Variants in BTC observed in about 807,000 individuals in gnomAD.
BTC encodes the protein probetacellulin.
In BTC, 13 loss-of-function variants were observed where a neutral mutation model predicts 18.1. That is an observed-to-expected ratio of 0.72 (90% CI 0.47 to 1.14). BTC has a LOEUF of 1.14. BTC is among the 50% of genes most tolerant of loss of function. The pLI is 0.00. For missense variants in BTC, 247 were observed against 224.2 expected, an observed-to-expected ratio of 1.10 and a Z score of -0.65; for synonymous variants, 83 against 79.4, an observed-to-expected ratio of 1.05 and a Z score of -0.24.
chr4:74,777,097 C>T (rs1006677944), intron 1 of BTC, among the ~76,000 whole-genome samples: 21 of 152,086 alleles, frequency 1.4e-4, no homozygotes, highest in African/African-American at 3.4e-4. Flanking sequence ...TGCAGAGTAA[C>T]GGAGAAAAGG....
At chr4:74,792,679 T>A (rs1230154606) in intron 1 of BTC, among the ~76,000 whole-genome samples, 3 of 152,258 alleles carry the variant, frequency 2.0e-5, no homozygotes, top group African/African-American at 7.2e-5. Context: ...CAGTAAAGCA[T>A]GCTCATTCGC....
chr4:74,757,627 C>A (rs1219212228), intron 2 of BTC, among the ~76,000 whole-genome samples: 3 of 152,026 alleles, frequency 2.0e-5, no homozygotes, highest in Non-Finnish European at 4.4e-5. Flanking sequence ...ATAAAGGATA[C>A]CTTATCTTAC....
intron 1 of BTC, among the ~76,000 whole-genome samples, chr4:74,780,145 A>G (rs754332320): frequency 6.6e-6 from 1 of 152,174 alleles, no homozygotes; most frequent in Non-Finnish European, 1.5e-5. Context: ...TTGTGTGACT[A>G]TGAAATAATT....
chr4:74,745,322 C>A lies in BTC; in HGVS notation c.*1355G>T, dbSNP rs1724261545. The A allele has an allele frequency of 6.6e-6, 1 of 152,294 alleles. No individual in the cohort carries two copies. Among genetic ancestry groups the A allele is most frequent in the East Asian group, 1.9e-4 (1 of 5,186 alleles). The allele number at this position is 152,294 out of a possible 1,614,324, so 9.4% of individuals were successfully genotyped here. Reference sequence around the variant, plus strand: ...GATGCTAGAAGGTAATATGCGATTTCAGCATTTGTCTGAATTCTCCACTTC... The same window carrying A: ...GATGCTAGAAGGTAATATGCGATTTAAGCATTTGTCTGAATTCTCCACTTC... On this transcript the variant is annotated 3_prime_UTR_variant, in exon 6 of 6. Coordinates refer to ENST00000395743, the MANE Select transcript of BTC (RefSeq NM_001729.4).
At chr4:74,786,398 A>C (rs971505233) in intron 1 of BTC, among the ~76,000 whole-genome samples, 2 of 152,146 alleles carry the variant, frequency 1.3e-5, no homozygotes, top group African/African-American at 2.4e-5. Context: ...GAGTTCAGAC[A>C]ATTGATTGTT....
chr4:74,748,169 AAGTTAGTATGGGCCTAGT>A lies in BTC; in HGVS notation c.429-38_429-21del, dbSNP rs1553955670. Reference sequence around the variant, plus strand: ...AGAGGGCTTGGAAAATACGTGTTAGAAGTTAGTATGGGCCTAGTAGTTCATGCGAACACAAAATTATCC... The same window carrying A: ...AGAGGGCTTGGAAAATACGTGTTAGAAGTTCATGCGAACACAAAATTATCC... On this transcript the variant is annotated intron_variant, in intron 4 of 5. Coordinates refer to ENST00000395743, the MANE Select transcript of BTC (RefSeq NM_001729.4). 3 of 1,448,284 alleles carry A rather than the reference AAGTTAGTATGGGCCTAGT, an allele frequency of 2.1e-6. No homozygotes were observed. In the South Asian group the frequency reaches 3.4e-5, roughly 17 times the overall value. The allele number at this position is 1,448,284 out of a possible 1,614,324, so 89.7% of individuals were successfully genotyped here.
chr4:74,778,407 A>G (rs1258506035), intron 1 of BTC, among the ~76,000 whole-genome samples: 1 of 152,154 alleles, frequency 6.6e-6, no homozygotes, highest in African/African-American at 2.4e-5. Flanking sequence ...TTTGAGAGTT[A>G]CAAGCTTGGG....
chr4:74,788,717 G>A (rs1054198675), intron 1 of BTC, among the ~76,000 whole-genome samples: 6 of 152,150 alleles, frequency 3.9e-5, no homozygotes, highest in Non-Finnish European at 7.4e-5. Context: ...ACCGTGCCAT[G>A]AGCAAAAGAG....
At chr4:74,783,969 A>T (rs1361904736) in intron 1 of BTC, among the ~76,000 whole-genome samples, 1 of 151,722 alleles carries the variant, frequency 6.6e-6, no homozygotes, top group African/African-American at 2.4e-5. Context: ...ATGGTGGCTC[A>T]CTCCTGTAAT....
intron 1 of BTC, among the ~76,000 whole-genome samples, chr4:74,791,624 T>G (rs1392685796): frequency 6.6e-6 from 1 of 152,198 alleles, no homozygotes. Flanking sequence ...CACTTCTGTC[T>G]TTATAAAATT....
intron 1 of BTC, among the ~76,000 whole-genome samples, chr4:74,778,588 A>G (rs74723636): frequency 0.055 from 8,375 of 152,256 alleles, 354 homozygotes; most frequent in Admixed American, 0.12. Context: ...TCAAGAAAAA[A>G]ATTCATACCT....
chr4:74,768,851 G>GA (rs1429769477), intron 2 of BTC, among the ~76,000 whole-genome samples: 1 of 152,118 alleles, frequency 6.6e-6, no homozygotes, highest in Non-Finnish European at 1.5e-5. Flanking sequence ...AGGGAAATGT[G>GA]AAAAAATGCC....
rs564179402 is a variant in BTC, at chr4:74,746,086, G to C, written c.*591C>G. On this transcript the variant is annotated 3_prime_UTR_variant, in exon 6 of 6. Coordinates refer to ENST00000395743, the MANE Select transcript of BTC (RefSeq NM_001729.4). ...TTATATTATTGAGTTAGGTTGCACC[G>C]ATTCAGACTAACAAAAATGATGGTT... The C allele has an allele frequency of 4.6e-5, 7 of 152,142 alleles. No homozygotes were observed. Among genetic ancestry groups the C allele is most frequent in the Admixed American group, 1.3e-4 (2 of 15,266 alleles). 9.4% of individuals were successfully genotyped at this position (152,142 alleles called of 1,614,324 possible).
At chr4:74,786,641 T>G (rs1032151276) in intron 1 of BTC, among the ~76,000 whole-genome samples, 1 of 152,232 alleles carries the variant, frequency 6.6e-6, no homozygotes, top group African/African-American at 2.4e-5. Context: ...GAAAATCATC[T>G]GACATCTCAC....
intron 2 of BTC, among the ~76,000 whole-genome samples, chr4:74,762,699 A>T (rs1419013209): frequency 2.6e-5 from 4 of 152,180 alleles, no homozygotes; most frequent in Non-Finnish European, 5.9e-5. Flanking sequence ...CCATCATATA[A>T]GAGTAGACCC....
chr4:74,781,516 C>T (rs141157866), intron 1 of BTC, among the ~76,000 whole-genome samples: 64 of 152,034 alleles, frequency 4.2e-4, no homozygotes, highest in Middle Eastern at 6.8e-3. Flanking sequence ...GCCTCATCCT[C>T]CTTCACATCC....
At chr4:74,761,063 C>A (rs1724743968) in intron 2 of BTC, among the ~76,000 whole-genome samples, 1 of 151,916 alleles carries the variant, frequency 6.6e-6, no homozygotes, top group Non-Finnish European at 1.5e-5. Context: ...GAGGGCCCTG[C>A]CAACCATTTC....
At position 74,746,438 on chromosome 4, in the gene BTC, AT is replaced by A. The variant is rs1724291319; in HGVS notation, c.*238del. 1 of 152,512 alleles carries A rather than the reference AT, an allele frequency of 6.6e-6. No homozygotes were observed. Among genetic ancestry groups the A allele is most frequent in the South Asian group, 2.1e-4 (1 of 4,822 alleles). The allele number at this position is 152,512 out of a possible 1,614,324, so 9.4% of individuals were successfully genotyped here. On this transcript the variant is annotated 3_prime_UTR_variant, in exon 6 of 6. Coordinates refer to ENST00000395743, the MANE Select transcript of BTC (RefSeq NM_001729.4). ...AATACTTAAGTGAAAGGTTATTGAA[AT>A]TTCCCTTCTGTTGTTGCTACCTAAC...
chr4:74,763,147 A>C (rs1553957487), intron 2 of BTC, among the ~76,000 whole-genome samples: 2 of 152,188 alleles, frequency 1.3e-5, no homozygotes, highest in African/African-American at 2.4e-5. Context: ...AACTGTTTTT[A>C]AGCCCATTTG....
Sources: gnomAD v4.1 joint callset for allele counts (sites outside exome capture counted in the v4.1 genomes callset) on GRCh38, gnomAD v4.1.1 for gene constraint, MANE v1.5 for transcripts, NCBI Gene and HGNC (gene_info 2026-07-23, HGNC 2026-07-21) for gene names.